Variants in TENM4 observed in about 807,000 individuals in gnomAD.
TENM4 encodes teneurin-4.
Under a neutral mutation model 243.3 loss-of-function variants are expected in TENM4, and 82 were observed. The ratio of observed to expected loss-of-function variants is 0.34; its 90% confidence interval spans 0.28 to 0.40. TENM4 has a LOEUF of 0.40. Among genes scored for constraint, TENM4 ranks in the 10% least tolerant of loss-of-function variants. The probability of loss-of-function intolerance (pLI) is 1.00; values close to 1 mark genes in which losing one functional copy is unlikely to be tolerated. For synonymous variants in TENM4, 1,412 were observed against 1,456.3 expected, an observed-to-expected ratio of 0.97 and a Z score of 0.69; for missense variants, 3,138 against 3,673.3, an observed-to-expected ratio of 0.85 and a Z score of 3.77.
At chr11:79,117,707 G>A (rs763605925) in intron 4 of TENM4, among the ~76,000 whole-genome samples, 12 of 152,204 alleles carry the variant, frequency 7.9e-5, no homozygotes, top group Non-Finnish European at 1.3e-4. Flanking sequence ...GCTTGACAGG[G>A]TGTGGTAAGG....
chr11:79,166,243 A>G (rs562997766), intron 3 of TENM4, among the ~76,000 whole-genome samples: 1 of 152,302 alleles, frequency 6.6e-6, no homozygotes, highest in South Asian at 2.1e-4. Flanking sequence ...TAGTGATTGT[A>G]CTAAGAAAGT....
chr11:78,698,497 T>C (rs1436094401), intron 28 of TENM4, among the ~76,000 whole-genome samples: 1 of 152,200 alleles, frequency 6.6e-6, no homozygotes, highest in African/African-American at 2.4e-5. Context: ...GGGCAATTTT[T>C]TTTTTTAGAA....
At chr11:78,760,177 A>G (rs1383335437) in intron 18 of TENM4, among the ~76,000 whole-genome samples, 1 of 152,158 alleles carries the variant, frequency 6.6e-6, no homozygotes, top group Non-Finnish European at 1.5e-5. Flanking sequence ...CAGTGACTGT[A>G]CTCCACAGAG....
At chr11:79,175,054 T>C (rs1863130457) in intron 3 of TENM4, among the ~76,000 whole-genome samples, 1 of 152,248 alleles carries the variant, frequency 6.6e-6, no homozygotes, top group African/African-American at 2.4e-5. Flanking sequence ...AATAGAGCTC[T>C]ATTTCTTTCT....
At chr11:79,334,141 AC>A (rs1021933005) in intron 1 of TENM4, among the ~76,000 whole-genome samples, 2 of 152,204 alleles carry the variant, frequency 1.3e-5, no homozygotes, top group African/African-American at 2.4e-5. Flanking sequence ...GAGAGCCCCA[AC>A]AAAAACAAGC....
At chr11:78,768,669 T>C (rs996892168) in intron 18 of TENM4, among the ~76,000 whole-genome samples, 8 of 152,226 alleles carry the variant, frequency 5.3e-5, no homozygotes, top group Admixed American at 4.6e-4. Context: ...GCTCCAAAAA[T>C]GCAAGTGGCA....
chr11:79,002,661 C>A (rs1858363265), intron 6 of TENM4, among the ~76,000 whole-genome samples: 1 of 152,188 alleles, frequency 6.6e-6, no homozygotes, highest in Non-Finnish European at 1.5e-5. Context: ...GGAAGGATAG[C>A]AACTTGAAAG....
At chr11:78,974,769 C>T (rs541743398) in intron 6 of TENM4, among the ~76,000 whole-genome samples, 233 of 148,220 alleles carry the variant, frequency 1.6e-3, no homozygotes, top group Admixed American at 4.8e-3. Context: ...AGGGCAGTGA[C>T]GTGAGCGCCT....
chr11:78,805,282 C>CACCCCCCCACCCCCCCCCCCCCT lies in TENM4; in HGVS notation c.2179+9_2179+10insAGGGGGGGGGGGGGTGGGGGGGT. On this transcript the variant is annotated intron_variant, in intron 15 of 33. Transcript: ENST00000278550. ...CCCTCTACCCATGCTTCTTCTCCCC[C>CACCCCCCCACCCCCCCCCCCCCT]TGCATTTACCGATAGAACAGTCGTG... is the stretch of plus-strand genomic sequence containing the variant. 2 of 995,566 alleles carry CACCCCCCCACCCCCCCCCCCCCT rather than the reference C, an allele frequency of 2.0e-6. No homozygotes were observed. Among genetic ancestry groups the CACCCCCCCACCCCCCCCCCCCCT allele is most frequent in the Non-Finnish European group, 2.4e-6 (2 of 823,788 alleles). 61.7% of individuals were successfully genotyped at this position (995,566 alleles called of 1,614,324 possible).
intron 1 of TENM4, among the ~76,000 whole-genome samples, chr11:79,360,281 C>CTT (rs1857568809): frequency 6.6e-6 from 1 of 152,140 alleles, no homozygotes; most frequent in African/African-American, 2.4e-5. Context: ...TCAAAAATTT[C>CTT]TTGTACAATT....
intron 3 of TENM4, among the ~76,000 whole-genome samples, chr11:79,164,293 CTAGT>C (rs1565231067): frequency 1.7e-5 from 2 of 120,872 alleles, no homozygotes; most frequent in African/African-American, 7.1e-5. Flanking sequence ...TATAGATATA[CTAGT>C]ATATATAGTA....
At chr11:79,205,599 C>T (rs1264137332) in intron 3 of TENM4, among the ~76,000 whole-genome samples, 1 of 152,174 alleles carries the variant, frequency 6.6e-6, no homozygotes, top group East Asian at 1.9e-4. Context: ...TATTCTCACT[C>T]AGTGTAATTC....
chr11:79,340,848 A>C (rs1265055756), intron 1 of TENM4, among the ~76,000 whole-genome samples: 1 of 152,128 alleles, frequency 6.6e-6, no homozygotes, highest in African/African-American at 2.4e-5. Context: ...CCACCAACAA[A>C]AAAAAATACT....
At chr11:79,127,405 A>T (rs1005517596) in intron 4 of TENM4, among the ~76,000 whole-genome samples, 3 of 147,618 alleles carry the variant, frequency 2.0e-5, no homozygotes, top group Non-Finnish European at 4.6e-5. Flanking sequence ...AAACTTAACC[A>T]AGTAGTGACT....
At chr11:78,829,035 C>G (rs2136141305) in intron 12 of TENM4, among the ~76,000 whole-genome samples, 1 of 152,378 alleles carries the variant, frequency 6.6e-6, no homozygotes, top group Middle Eastern at 3.4e-3. Flanking sequence ...TGCTCCTACA[C>G]TCAGCTATCT....
chr11:78,722,644 T>C (rs1441645417), intron 24 of TENM4, 24 bp downstream of exon 24: 1 of 1,603,420 alleles, frequency 6.2e-7, no homozygotes, highest in African/African-American at 1.3e-5. Context: ...TTAGGAACTA[T>C]GAAGAAAGCA....
chr11:79,030,921 A>G (rs2136853364), intron 6 of TENM4, among the ~76,000 whole-genome samples: 1 of 152,274 alleles, frequency 6.6e-6, no homozygotes, highest in African/African-American at 2.4e-5. Context: ...GAGACCCAGG[A>G]GACAGAGGCA....
chr11:79,405,795 T>C (rs1028636831), intron 1 of TENM4, among the ~76,000 whole-genome samples: 1 of 144,872 alleles, frequency 6.9e-6, no homozygotes, highest in African/African-American at 2.6e-5. Context: ...CATATAAAAA[T>C]GATGTGGTAA....
intron 2 of TENM4, among the ~76,000 whole-genome samples, chr11:79,272,228 T>C (rs577892598): frequency 1.7e-4 from 26 of 152,262 alleles, no homozygotes; most frequent in African/African-American, 6.0e-4. Flanking sequence ...TCAACAGTCA[T>C]TGCCTGGAAG....
Sources: gnomAD v4.1 joint callset for allele counts (sites outside exome capture counted in the v4.1 genomes callset) on GRCh38, gnomAD v4.1.1 for gene constraint, MANE v1.5 for transcripts, NCBI Gene and HGNC (gene_info 2026-07-23, HGNC 2026-07-21) for gene names.